The following AP4E1 variants were observed in gnomAD, a reference collection of about 807,000 sequenced individuals.
The protein encoded by AP4E1 is adaptor related protein complex 4 subunit epsilon 1, also known as AP-4 complex subunit epsilon-1.
Under a neutral mutation model 128.2 loss-of-function variants are expected in AP4E1, and 56 were observed. That is an observed-to-expected ratio of 0.44 (90% CI 0.35 to 0.55). The LOEUF is 0.55. Ranked by LOEUF, AP4E1 falls within the 20% of genes least tolerant of loss-of-function variation. The pLI is 0.00. For synonymous variants in AP4E1, 484 were observed against 473.1 expected, an observed-to-expected ratio of 1.02 and a Z score of -0.30; for missense variants, 1,324 against 1,307.7, an observed-to-expected ratio of 1.01 and a Z score of -0.19.
At chr15:50,966,763 C>G (rs2064400183) in intron 14 of AP4E1, among the ~76,000 whole-genome samples, 1 of 152,248 alleles carries the variant, frequency 6.6e-6, no homozygotes, top group Non-Finnish European at 1.5e-5. Context: ...TCTCGAACTC[C>G]TGACCTCAGG....
upstream of AP4E1, among the ~76,000 whole-genome samples, chr15:50,908,020 C>G (rs964515660): frequency 2.6e-5 from 4 of 152,296 alleles, no homozygotes; most frequent in East Asian, 1.9e-4. Flanking sequence ...GGAGTGGGCT[C>G]TAGAAGGATG....
At chr15:50,995,111 G>C (rs2064851353) in intron 17 of AP4E1, among the ~76,000 whole-genome samples, 1 of 152,078 alleles carries the variant, frequency 6.6e-6, no homozygotes, top group African/African-American at 2.4e-5. Context: ...TCTCAGCCCC[G>C]ACCCTTCCTC....
At chr15:50,958,830 G>A (rs781745620) in intron 14 of AP4E1, 36 bp downstream of exon 14, 74 of 1,597,812 alleles carry the variant, frequency 4.6e-5, no homozygotes, top group East Asian at 2.7e-4. Flanking sequence ...TAAAAATTGC[G>A]TTGTCATTAA....
chr15:50,997,173 A>G (rs761175222), intron 17 of AP4E1, among the ~76,000 whole-genome samples, 153 bp from the exon 18 acceptor site: 1 of 152,202 alleles, frequency 6.6e-6, no homozygotes, highest in East Asian at 1.9e-4. Context: ...AGGGCTTAAC[A>G]TGTTATTTAT....
intron 3 of AP4E1, among the ~76,000 whole-genome samples, chr15:50,920,913 C>G (rs1043733600): frequency 1.3e-4 from 20 of 152,196 alleles, no homozygotes; most frequent in Non-Finnish European, 2.8e-4. Flanking sequence ...ATTTTCCTGC[C>G]TCAGCCTCCC....
chr15:50,991,891 A>AT (rs112879726), intron 16 of AP4E1, among the ~76,000 whole-genome samples: 2,800 of 150,782 alleles, frequency 0.019, 106 homozygotes, highest in African/African-American at 0.065. Context: ...AGTAGAAATG[A>AT]TTTTTTAAAA....
chr15:50,997,176 T>C (rs2064887514), intron 17 of AP4E1, 150 bp from the exon 18 acceptor site: 1 of 666,228 alleles, frequency 1.5e-6, no homozygotes, highest in African/African-American at 1.9e-5. Flanking sequence ...GCTTAACATG[T>C]TATTTATCTC....
chr15:50,958,401 A>T, intron 13 of AP4E1, 91 bp from the exon 14 acceptor site: 1 of 1,052,754 alleles, frequency 9.5e-7, no homozygotes, highest in Non-Finnish European at 1.4e-6. Context: ...CTTTAAATTC[A>T]CTCTAGCAGT....
Position 51,002,952 on chromosome 15 carries a change from A to G in AP4E1, c.*290A>G, listed in dbSNP as rs966231882. On this transcript the variant is annotated 3_prime_UTR_variant, in exon 21 of 21. Coordinates refer to ENST00000261842, the MANE Select transcript of AP4E1 (RefSeq NM_007347.5). ...CTTAGTGTGTAGAGGGACTGAAAAT[A>G]TTTATTTTGTTATAAATAATTTTAT... 1 of 281,518 alleles carries G rather than the reference A, an allele frequency of 3.6e-6. No homozygotes were observed. The highest frequency in any genetic ancestry group is 4.8e-5 in the Admixed American group (1 of 20,808). 17.4% of individuals were successfully genotyped at this position (281,518 alleles called of 1,614,324 possible).
At chr15:50,917,073 A>G (rs62020197) in intron 3 of AP4E1, among the ~76,000 whole-genome samples, 127 of 152,328 alleles carry the variant, frequency 8.3e-4, no homozygotes, top group South Asian at 5.0e-3. Flanking sequence ...TTCATATGTT[A>G]AAGTCTTTCT....
chr15:50,941,359 A>T (rs2063984127), intron 8 of AP4E1, 83 bp from the exon 9 acceptor site: 1 of 1,469,078 alleles, frequency 6.8e-7, no homozygotes, highest in Non-Finnish European at 9.4e-7. Flanking sequence ...CTTTCCAATT[A>T]GTTTTATTAC....
intron 17 of AP4E1, 136 bp from the exon 18 acceptor site, chr15:50,997,190 T>G: frequency 1.3e-6 from 1 of 754,228 alleles, no homozygotes; most frequent in Non-Finnish European, 2.0e-6. Context: ...TTATCTCTGA[T>G]TCTTTACTAA....
chr15:50,960,039 T>C (rs994797281), intron 14 of AP4E1, among the ~76,000 whole-genome samples: 3 of 152,148 alleles, frequency 2.0e-5, no homozygotes, highest in African/African-American at 7.2e-5. Context: ...AATGTTATTA[T>C]ATAATGATGA....
chr15:50,961,375 T>G (rs2064310951), intron 14 of AP4E1, among the ~76,000 whole-genome samples: 1 of 151,974 alleles, frequency 6.6e-6, no homozygotes, highest in African/African-American at 2.4e-5. Context: ...ACTAGAAAAC[T>G]GAATCCAATA....
intron 20 of AP4E1, among the ~76,000 whole-genome samples, chr15:51,001,752 T>C (rs75823338): frequency 0.011 from 1,633 of 152,356 alleles, 11 homozygotes; most frequent in Non-Finnish European, 0.019. Flanking sequence ...TTACTTCCAC[T>C]TTTTGGCTAT....
intron 5 of AP4E1, among the ~76,000 whole-genome samples, 194 bp from the exon 6 acceptor site, chr15:50,928,815 T>TA (rs1333325528): frequency 8.6e-5 from 13 of 151,978 alleles, no homozygotes; most frequent in Non-Finnish European, 1.9e-4. Flanking sequence ...TTTGAGACCT[T>TA]ACTTCCTAGA....
At chr15:50,964,851 G>A (rs1389650237) in intron 14 of AP4E1, among the ~76,000 whole-genome samples, 1 of 151,928 alleles carries the variant, frequency 6.6e-6, no homozygotes, top group African/African-American at 2.4e-5. Flanking sequence ...GGTGGGAGTT[G>A]TTTGGGTTAT....
intron 14 of AP4E1, among the ~76,000 whole-genome samples, chr15:50,962,087 A>G (rs1488650259): frequency 6.6e-6 from 1 of 152,132 alleles, no homozygotes; most frequent in East Asian, 1.9e-4. Context: ...CTACAAGGAA[A>G]ACTTCAAAAG....
intron 3 of AP4E1, among the ~76,000 whole-genome samples, chr15:50,918,545 A>T (rs1017917093): frequency 6.6e-6 from 1 of 152,170 alleles, no homozygotes; most frequent in African/African-American, 2.4e-5. Context: ...AATAATTTTC[A>T]ATTTTATTTT....
Sources: allele counts gnomAD v4.1 joint callset (sites outside exome capture counted in the v4.1 genomes callset), GRCh38; gene constraint gnomAD v4.1.1; transcripts MANE v1.5; gene names NCBI Gene and HGNC (gene_info 2026-07-23, HGNC 2026-07-21).